Variants in POLB observed in about 807,000 individuals in gnomAD.
POLB encodes the protein DNA polymerase beta.
POLB carries 37 observed loss-of-function variants against 52.7 expected under a neutral mutation model. The observed-to-expected ratio is 0.70, with a 90% confidence interval of 0.54 to 0.92. The LOEUF is 0.92. POLB is among the 40% of genes least tolerant of loss of function. The pLI is 0.00. For synonymous variants in POLB, 138 were observed against 131.3 expected, an observed-to-expected ratio of 1.05 and a Z score of -0.35; for missense variants, 313 against 400.8, an observed-to-expected ratio of 0.78 and a Z score of 1.87.
intron 9 of POLB, 103 bp from the exon 10 acceptor site, chr8:42,361,192 G>T: frequency 1.3e-6 from 1 of 790,610 alleles, no homozygotes. Context: ...TAGAAAGTTA[G>T]GCTGTAAGAA....
intron 3 of POLB, among the ~76,000 whole-genome samples, chr8:42,347,441 A>G (rs1412371781): frequency 1.3e-5 from 2 of 150,500 alleles, no homozygotes; most frequent in Non-Finnish European, 3.0e-5. Context: ...CAGTAATTCT[A>G]GAAATTATTC....
chr8:42,349,849 A>G (rs1326546245), intron 4 of POLB, among the ~76,000 whole-genome samples, 158 bp from the exon 5 acceptor site: 2 of 152,172 alleles, frequency 1.3e-5, no homozygotes, highest in South Asian at 2.1e-4. Flanking sequence ...TTATTCACCT[A>G]TTACTCCTTA....
chr8:42,339,335 G>A (rs1217305887), intron 2 of POLB: 10 of 474,068 alleles, frequency 2.1e-5, no homozygotes, highest in South Asian at 1.2e-4. Context: ...CTAGAAATGC[G>A]GTGTAATTTT....
chr8:42,364,269 T>A (rs1307661862), intron 11 of POLB, among the ~76,000 whole-genome samples: 1 of 151,528 alleles, frequency 6.6e-6, no homozygotes, highest in African/African-American at 2.4e-5. Flanking sequence ...AAACAGGGTC[T>A]TGCTCTGTCA....
chr8:42,364,544 G>A (rs1446608602), intron 11 of POLB, among the ~76,000 whole-genome samples: 1 of 152,032 alleles, frequency 6.6e-6, no homozygotes, highest in Non-Finnish European at 1.5e-5. Flanking sequence ...CTTTCTTAAG[G>A]TGACATTTAG....
chr8:42,363,701 A>G (rs894428935), intron 11 of POLB, among the ~76,000 whole-genome samples: 3 of 152,144 alleles, frequency 2.0e-5, no homozygotes, highest in African/African-American at 7.2e-5. Context: ...GAATTGATTG[A>G]AAAATATTAA....
intron 2 of POLB, 22 bp from the exon 3 acceptor site, chr8:42,344,931 T>G: frequency 6.7e-7 from 1 of 1,492,726 alleles, no homozygotes; most frequent in Non-Finnish European, 9.3e-7. Context: ...TAATTGGTTT[T>G]CCTTTTCTTC....
At chr8:42,361,001 CATT>C in intron 9 of POLB, 1 of 498,470 alleles carries the variant, frequency 2.0e-6, no homozygotes, top group South Asian at 1.8e-5. Flanking sequence ...TGTTTTTATT[CATT>C]ATTGAGTAGT....
chr8:42,371,794 C>T lies in POLB; in HGVS notation c.*137C>T. On this transcript the variant is annotated 3_prime_UTR_variant, in exon 14 of 14. Transcript: ENST00000265421. ...TTTGCTTGCAATGTAGTCAATAAAACCTCATGTACTATTATTGGATGATGA... is the reference window on the plus strand; with the variant it reads ...TTTGCTTGCAATGTAGTCAATAAAATCTCATGTACTATTATTGGATGATGA... 2 of 603,814 alleles carry T rather than the reference C, an allele frequency of 3.3e-6. No homozygotes were observed. Among genetic ancestry groups the T allele is most frequent in the South Asian group, 1.9e-5 (1 of 52,150 alleles). 37.4% of individuals were successfully genotyped at this position (603,814 alleles called of 1,614,324 possible).
chr8:42,340,845 T>C (rs1822156873), intron 2 of POLB, among the ~76,000 whole-genome samples: 1 of 152,222 alleles, frequency 6.6e-6, no homozygotes, highest in Admixed American at 6.5e-5. Flanking sequence ...TGTATTATCA[T>C]CCATACATTT....
At chr8:42,340,600 C>G (rs1458151026) in intron 2 of POLB, among the ~76,000 whole-genome samples, 2 of 152,206 alleles carry the variant, frequency 1.3e-5, no homozygotes, top group Admixed American at 1.3e-4. Flanking sequence ...GCCCTTAGCC[C>G]TCTTTTCTTA....
chr8:42,338,844 C>T (rs3136716), intron 1 of POLB, among the ~76,000 whole-genome samples, 159 bp downstream of exon 1: 1 of 152,192 alleles, frequency 6.6e-6, no homozygotes, highest in Non-Finnish European at 1.5e-5. Flanking sequence ...GGCTGGTTGT[C>T]AGTCCTGCCG....
intron 6 of POLB, among the ~76,000 whole-genome samples, chr8:42,352,943 A>G (rs929501492): frequency 6.6e-6 from 1 of 151,298 alleles, no homozygotes; most frequent in Non-Finnish European, 1.5e-5. Flanking sequence ...GTGTGGTGGC[A>G]GGCACCTGTA....
chr8:42,354,357 A>G (rs1207078796), intron 6 of POLB: 4 of 630,738 alleles, frequency 6.3e-6, no homozygotes, highest in South Asian at 4.4e-5. Flanking sequence ...ATTTGTGGCT[A>G]TAAGGGGGCT....
In POLB at chr8:42,357,361, C is replaced by A; in HGVS notation, c.519C>A (p.Tyr173Ter). ...LNEVKKVDSE[Y>*]IATVCGSFRR... The stretch of plus-strand genomic sequence containing the variant: ...AAGTTAAAAAAGTGGATTCTGAATA[C>A]ATTGCTACAGTCTGTGGCAGTTTCA... The change falls in exon 9 of 14, where the codon TAC (tyrosine) becomes TAA (stop). Residue 173 changes from tyrosine to a stop codon, truncating the protein, a stop_gained. Coordinates refer to ENST00000265421, the MANE Select transcript of POLB (RefSeq NM_002690.3). LOFTEE classifies it high-confidence loss of function. 1 of 1,579,176 alleles carries A rather than the reference C, an allele frequency of 6.3e-7. No homozygotes were observed. Among genetic ancestry groups the A allele is most frequent in the Non-Finnish European group, 8.7e-7 (1 of 1,148,552 alleles).
At chr8:42,361,420 CTTTT>C in intron 10 of POLB, 55 bp downstream of exon 10, 1 of 1,175,398 alleles carries the variant, frequency 8.5e-7, no homozygotes, top group Non-Finnish European at 1.3e-6. Flanking sequence ...GTGAATTTCA[CTTTT>C]TAAGTGATAG....
intron 3 of POLB, among the ~76,000 whole-genome samples, chr8:42,346,008 G>A (rs1349750685): frequency 2.0e-5 from 3 of 152,112 alleles, no homozygotes; most frequent in African/African-American, 2.4e-5. Flanking sequence ...TGCAGCCTCC[G>A]CCTCCAGGGT....
rs900301099 is a variant in POLB, at chr8:42,350,045, G to C, written c.300G>C (p.Leu100=). ...ATACGAGTTCATCCATCAATTTCCT[G>C]ACTCGAGTTAGTGGCATTGGGTAAG... ...QDDTSSSINF[L]TRVSGIGPSA... is the part of the protein sequence containing the mutation. The change falls in exon 5 of 14, where the codon CTG becomes CTC. Residue 100 remains leucine, a synonymous_variant. Coordinates refer to ENST00000265421, the MANE Select transcript of POLB (RefSeq NM_002690.3). 6.2e-7 allele frequency: 1 copy of C among 1,606,126 alleles called. No homozygotes were observed. The highest frequency in any genetic ancestry group is 1.3e-5 in the African/African-American group (1 of 74,534).
intron 2 of POLB, among the ~76,000 whole-genome samples, chr8:42,343,870 G>A (rs994241616): frequency 2.0e-5 from 3 of 151,716 alleles, no homozygotes; most frequent in Non-Finnish European, 2.9e-5. Context: ...GGTGGCTCAC[G>A]CCTGTAACCC....
Sources: gnomAD v4.1 joint callset for allele counts (sites outside exome capture counted in the v4.1 genomes callset) on GRCh38, gnomAD v4.1.1 for gene constraint, MANE v1.5 for transcripts, NCBI Gene and HGNC (gene_info 2026-07-23, HGNC 2026-07-21) for gene names.